Variants in TMED3 observed in about 807,000 individuals in gnomAD.
TMED3 encodes the protein transmembrane emp24 domain-containing protein 3.
A neutral mutation model predicts 15.0 loss-of-function variants in TMED3; 9 were observed. The ratio of observed to expected loss-of-function variants is 0.60; its 90% confidence interval spans 0.36 to 1.04. The LOEUF is 1.04. Ranked by LOEUF, TMED3 falls within the 50% of genes least tolerant of loss-of-function variation. The pLI, the probability that TMED3 is intolerant of heterozygous loss-of-function variation, is 0.01. For missense variants in TMED3, 267 were observed against 278.9 expected (o/e 0.96, Z 0.30); for synonymous variants, 117 against 121.4 (o/e 0.96, Z 0.24).
chr15:79,339,334 G>A (rs990015834), intron 2 of TMED3, among the ~76,000 whole-genome samples: 2 of 152,042 alleles, frequency 1.3e-5, no homozygotes, highest in African/African-American at 2.4e-5. Context: ...GGCCTCTACC[G>A]GTCTCTGCAA....
At chr15:79,334,165 C>T (rs1484810093) in intron 2 of TMED3, among the ~76,000 whole-genome samples, 1 of 152,150 alleles carries the variant, frequency 6.6e-6, no homozygotes, top group African/African-American at 2.4e-5. Flanking sequence ...TCCTTAAAAT[C>T]AACCCAAGCA....
chr15:79,385,651 TG>T (rs1248000088), intron 2 of TMED3, among the ~76,000 whole-genome samples: 1 of 152,208 alleles, frequency 6.6e-6, no homozygotes, highest in Non-Finnish European at 1.5e-5. Flanking sequence ...GGGCAGATCC[TG>T]CCTGTTCCTG....
intron 2 of TMED3, among the ~76,000 whole-genome samples, chr15:79,368,172 T>G (rs1893272347): frequency 6.6e-6 from 1 of 152,232 alleles, no homozygotes; most frequent in Non-Finnish European, 1.5e-5. Flanking sequence ...ACTATTACCT[T>G]CTTGCTTATC....
At chr15:79,377,785 T>G (rs1323471772) in intron 2 of TMED3, among the ~76,000 whole-genome samples, 2 of 151,978 alleles carry the variant, frequency 1.3e-5, no homozygotes, top group East Asian at 3.9e-4. Flanking sequence ...TAGCTGGGAC[T>G]ACAGGCGCCC....
intron 2 of TMED3, among the ~76,000 whole-genome samples, chr15:79,404,986 G>A (rs778389049): frequency 4.6e-5 from 7 of 152,208 alleles, no homozygotes; most frequent in Admixed American, 4.6e-4. Context: ...AGGTGGCACT[G>A]GTGTGTCAAA....
intron 2 of TMED3, among the ~76,000 whole-genome samples, chr15:79,389,468 T>G (rs1465425609): frequency 1.3e-5 from 2 of 152,172 alleles, no homozygotes; most frequent in Non-Finnish European, 2.9e-5. Flanking sequence ...TTTATACCAG[T>G]ACCATGTTAT....
intron 2 of TMED3, among the ~76,000 whole-genome samples, chr15:79,329,803 T>C (rs1349536145): frequency 6.6e-6 from 1 of 152,244 alleles, no homozygotes; most frequent in African/African-American, 2.4e-5. Context: ...GACCTCAGCA[T>C]GGGCTGGAAC....
Position 79,353,353 on chromosome 15 carries a change from G to A in TMED3, c.417+39348G>A, listed in dbSNP as rs11852988. 2.4e-4 allele frequency among the ~76,000 whole-genome samples: 20 copies of A among 82,798 alleles called. 1 individual carries two copies. The highest frequency in any genetic ancestry group is 4.3e-4 in the Non-Finnish European group (19 of 44,174). The allele number at this position is 82,798 out of a possible 152,430, so 54.3% of individuals were successfully genotyped here. A position where few individuals can be genotyped will look rare whatever the true frequency, so the allele number is the denominator to read the frequency against. On this transcript the variant is annotated intron_variant, in intron 2 of 2. Coordinates refer to the TMED3 transcript ENST00000424155. ...TATATATTATGTATATAAAATATAT[G>A]TTATATATAAAATATATATAATATA...
intron 2 of TMED3, among the ~76,000 whole-genome samples, chr15:79,336,337 T>G (rs1032965248): frequency 5.3e-5 from 8 of 152,132 alleles, no homozygotes; most frequent in Non-Finnish European, 2.9e-5. Context: ...GAGCTGGATC[T>G]GGGGGTGTCT....
chr15:79,355,816 T>C (rs2058916710), intron 2 of TMED3, among the ~76,000 whole-genome samples: 1 of 152,118 alleles, frequency 6.6e-6, no homozygotes, highest in African/African-American at 2.4e-5. Context: ...AGCGCATCCA[T>C]TGCCTTTTCC....
intron 2 of TMED3, among the ~76,000 whole-genome samples, chr15:79,398,880 T>G (rs1893797377): frequency 6.6e-6 from 1 of 152,202 alleles, no homozygotes; most frequent in African/African-American, 2.4e-5. Context: ...TCTGTTTTAC[T>G]CAGTCTACCA....
At position 79,311,118 on chromosome 15, in the gene TMED3, G is replaced by A; in HGVS notation, c.-132G>A. The stretch of plus-strand genomic sequence containing the variant: ...TGCGCACTGAGCCGCCGGCCCTCCC[G>A]GAAGCGCAGAGCTCCGCTGGTGCCA... On this transcript the variant is annotated 5_prime_UTR_variant, in exon 1 of 3. Transcript: ENST00000299705. 6.1e-6 allele frequency: 6 copies of A among 989,426 alleles called. No individual in the cohort carries two copies. Among genetic ancestry groups the A allele is most frequent in the Non-Finnish European group, 6.8e-6 (5 of 730,848 alleles). The allele number at this position is 989,426 out of a possible 1,614,324, so 61.3% of individuals were successfully genotyped here.
chr15:79,340,454 A>G (rs1299965070), intron 2 of TMED3, among the ~76,000 whole-genome samples: 1 of 152,238 alleles, frequency 6.6e-6, no homozygotes, highest in Non-Finnish European at 1.5e-5. Context: ...AGACACCCTG[A>G]GCCAGAATCA....
At chr15:79,326,336 A>G (rs2058787514), downstream of TMED3, among the ~76,000 whole-genome samples, 1 of 152,214 alleles carries the variant, frequency 6.6e-6, no homozygotes, top group South Asian at 2.1e-4. Context: ...TGCGTAGTTT[A>G]TTTTATTAAA....
At chr15:79,315,681 C>G (rs2058737533) in intron 2 of TMED3, among the ~76,000 whole-genome samples, 1 of 152,164 alleles carries the variant, frequency 6.6e-6, no homozygotes, top group Admixed American at 6.5e-5. Flanking sequence ...TTTCTTATAT[C>G]TTAGAACCTC....
rs115546332 is a variant in TMED3 at position 79,409,645 on chromosome 15, A to C, written c.418-1755A>C. ...ATTCTGTGTTCTTTATTGACCATTC[A>C]ACCAAATAAAAGCACTTTGTCTGAA... is the stretch of plus-strand genomic sequence containing the variant. On this transcript the variant is annotated intron_variant, in intron 2 of 2. Coordinates refer to the TMED3 transcript ENST00000424155. 1.2e-3 allele frequency among the ~76,000 whole-genome samples: 177 copies of C among 152,298 alleles called. 1 individual carries two copies. Among genetic ancestry groups the C allele is most frequent in the African/African-American group, 4.1e-3 (172 of 41,564 alleles).
intron 2 of TMED3, among the ~76,000 whole-genome samples, chr15:79,409,801 C>T (rs2141260603): frequency 1.3e-5 from 2 of 152,154 alleles, no homozygotes; most frequent in Non-Finnish European, 2.9e-5. Flanking sequence ...GTGAAGAGGC[C>T]AAGGTTCTAG....
intron 2 of TMED3, among the ~76,000 whole-genome samples, chr15:79,333,454 G>C (rs1298819536): frequency 6.6e-6 from 1 of 152,196 alleles, no homozygotes; most frequent in Non-Finnish European, 1.5e-5. Flanking sequence ...ATAAGCGTTT[G>C]TATGCCCTCA....
chr15:79,356,008 A>G (rs1038239006), intron 2 of TMED3, among the ~76,000 whole-genome samples: 2 of 152,216 alleles, frequency 1.3e-5, no homozygotes, highest in African/African-American at 2.4e-5. Context: ...TGTCAGCAAC[A>G]TAACAGTCTT....
Sources: gnomAD v4.1 joint callset for allele counts (sites outside exome capture counted in the v4.1 genomes callset) on GRCh38, gnomAD v4.1.1 for gene constraint, MANE v1.5 for transcripts, NCBI Gene and HGNC (gene_info 2026-07-23, HGNC 2026-07-21) for gene names.